The following SNX25 variants were observed in gnomAD, a reference collection of about 807,000 sequenced individuals.
SNX25 encodes the protein sorting nexin 25, also known as sorting nexin-25.
Under a neutral mutation model 113.7 loss-of-function variants are expected in SNX25, and 62 were observed. The observed-to-expected ratio is 0.55, with a 90% CI of 0.44 to 0.67. The LOEUF (loss-of-function observed/expected upper bound fraction) is 0.67, where lower values mean the gene tolerates loss of function less well. Among genes scored for constraint, SNX25 ranks in the 30% least tolerant of loss-of-function variants. The probability of loss-of-function intolerance (pLI) is 0.00; values close to 1 mark genes in which losing one functional copy is unlikely to be tolerated. For missense variants in SNX25, 1,014 were observed against 1,161.0 expected, an observed-to-expected ratio of 0.87 and a Z score of 1.84; for synonymous variants, 421 against 436.2, an observed-to-expected ratio of 0.97 and a Z score of 0.43.
At chr4:185,222,543 C>T (rs994925701) in intron 1 of SNX25, among the ~76,000 whole-genome samples, 4 of 152,194 alleles carry the variant, frequency 2.6e-5, no homozygotes, top group African/African-American at 9.7e-5. Flanking sequence ...CGCCCTATAT[C>T]CCCTTCGTGG....
chr4:185,306,904 A>G (rs780456490), intron 6 of SNX25, among the ~76,000 whole-genome samples: 13 of 152,156 alleles, frequency 8.5e-5, no homozygotes, highest in Non-Finnish European at 1.9e-4. Flanking sequence ...TCCTGTTGAG[A>G]TAAATGCTAA....
At chr4:185,269,452 T>C (rs1324338810) in intron 5 of SNX25, among the ~76,000 whole-genome samples, 1 of 152,234 alleles carries the variant, frequency 6.6e-6, no homozygotes, top group South Asian at 2.1e-4. Context: ...AGATAACTCA[T>C]GTTGATAATT....
In SNX25 at chr4:185,362,708, A is replaced by T. The variant is rs1161320472; in HGVS notation, c.2931A>T (p.Leu977Phe). 3 of 1,612,096 alleles carry T rather than the reference A, an allele frequency of 1.9e-6. No homozygotes were observed. The highest frequency in any genetic ancestry group is 2.5e-6 in the Non-Finnish European group (3 of 1,178,852). ...LQETRANKHL[L>F]YALMELLLIE... ...AAACAAGAGCCAACAAGCATCTGTT[A>T]TATGTGAGTAAATTAAAGCCCAGGG... Residue 977 changes from leucine (L) to phenylalanine (F), a missense_variant, in exon 18 of 19, where the codon TTA becomes TTT. Transcript: ENST00000652585.
intron 3 of SNX25, among the ~76,000 whole-genome samples, chr4:185,261,150 G>C (rs939539247): frequency 6.8e-6 from 1 of 147,218 alleles, no homozygotes. Flanking sequence ...GTGTGTGTGT[G>C]TGTGTGTATG....
chr4:185,331,097 A>C (rs2095191518), intron 9 of SNX25, among the ~76,000 whole-genome samples: 1 of 152,224 alleles, frequency 6.6e-6, no homozygotes, highest in Admixed American at 6.5e-5. Context: ...AAGAGGGCTG[A>C]TACATAACTG....
At position 185,350,992 on chromosome 4, in the gene SNX25, T is replaced by C. The variant is rs1006888632; in HGVS notation, c.2302-453T>C. Reference sequence around the variant, plus strand: ...CCATGTGAAAACTCAAAGTTCTTTTTTTCAGCTGATGTACAAAGTCTGAAT... The same window carrying C: ...CCATGTGAAAACTCAAAGTTCTTTTCTTCAGCTGATGTACAAAGTCTGAAT... On this transcript the variant is annotated intron_variant, in intron 13 of 18. Transcript: ENST00000652585. 2.0e-4 allele frequency among the ~76,000 whole-genome samples: 30 copies of C among 152,250 alleles called. 1 individual carries two copies. Among genetic ancestry groups the C allele is most frequent in the Non-Finnish European group, 4.4e-5 (3 of 68,042 alleles).
At chr4:185,346,478 C>T in intron 12 of SNX25, 59 bp from the exon 13 acceptor site, 1 of 1,153,150 alleles carries the variant, frequency 8.7e-7, no homozygotes, top group South Asian at 1.4e-5. Context: ...TATTCTAAAT[C>T]TTTTTTAAGA....
rs1430828873 is a variant in SNX25 at position 185,234,415 on chromosome 4, G to A, written c.430-12879G>A. 2.1e-4 allele frequency among the ~76,000 whole-genome samples: 4 copies of A among 19,096 alleles called. 2 individuals carry two copies. The highest frequency in any genetic ancestry group is 5.5e-4 in the African/African-American group (4 of 7,226). The allele number at this position is 19,096 out of a possible 152,430, so 12.5% of individuals were successfully genotyped here. On this transcript the variant is annotated intron_variant, in intron 1 of 18. Coordinates refer to ENST00000652585, the MANE Select transcript of SNX25 (RefSeq NM_001378034.2). ...AAGTTTAGGCTGGCCGGGCGCGGTG[G>A]CTCACGCCTGTAATCCCAGCACTTT...
chr4:185,351,681 G>T, intron 14 of SNX25, 72 bp downstream of exon 14: 9 of 1,494,410 alleles, frequency 6.0e-6, no homozygotes, highest in Non-Finnish European at 8.2e-6. Flanking sequence ...TCCTCATGGG[G>T]GGAAGCAAAT....
intron 14 of SNX25, among the ~76,000 whole-genome samples, chr4:185,352,102 G>C (rs2095318325): frequency 6.6e-6 from 1 of 152,158 alleles, no homozygotes; most frequent in South Asian, 2.1e-4. Flanking sequence ...AAGAAGCATG[G>C]GATATTCTGA....
chr4:185,360,295 T>G (rs1163161590), intron 16 of SNX25, among the ~76,000 whole-genome samples: 1 of 151,986 alleles, frequency 6.6e-6, no homozygotes, highest in Non-Finnish European at 1.5e-5. Flanking sequence ...AAGAGAAGAG[T>G]CTAGGAGATA....
intron 7 of SNX25, among the ~76,000 whole-genome samples, chr4:185,316,494 G>A (rs530859855): frequency 6.6e-6 from 1 of 152,264 alleles, no homozygotes; most frequent in East Asian, 1.9e-4. Context: ...CAAAAAGTCT[G>A]TGTTGCCTTA....
At chr4:185,212,480 TGTGTGTG>T (rs1738007590) in intron 1 of SNX25, among the ~76,000 whole-genome samples, 2 of 79,916 alleles carry the variant, frequency 2.5e-5, no homozygotes, top group African/African-American at 8.6e-5. Flanking sequence ...TGTGTGTGTG[TGTGTGTG>T]TGTGTTTTTT....
At chr4:185,242,261 A>G (rs1302537582) in intron 1 of SNX25, among the ~76,000 whole-genome samples, 1 of 152,154 alleles carries the variant, frequency 6.6e-6, no homozygotes, top group African/African-American at 2.4e-5. Flanking sequence ...TTCCCCACAC[A>G]CCAAGCAAGC....
intron 2 of SNX25, among the ~76,000 whole-genome samples, chr4:185,250,033 T>C (rs58000512): frequency 0.011 from 1,667 of 152,316 alleles, 26 homozygotes; most frequent in African/African-American, 0.037. Context: ...TACTGGACAA[T>C]GTGGATGCTG....
intron 5 of SNX25, among the ~76,000 whole-genome samples, chr4:185,269,159 T>C (rs961869432): frequency 1.3e-5 from 2 of 152,186 alleles, no homozygotes; most frequent in Non-Finnish European, 2.9e-5. Flanking sequence ...AAGTCATCCT[T>C]ATCATAGTGT....
chr4:185,237,253 A>C (rs1008988402), intron 1 of SNX25, among the ~76,000 whole-genome samples: 1 of 152,186 alleles, frequency 6.6e-6, no homozygotes, highest in East Asian at 1.9e-4. Context: ...TTGATAAGGA[A>C]AGTAAGATAT....
At chr4:185,319,959 T>C (rs918850879) in intron 7 of SNX25, among the ~76,000 whole-genome samples, 25 of 152,136 alleles carry the variant, frequency 1.6e-4, no homozygotes, top group Non-Finnish European at 2.9e-4. Flanking sequence ...TGGCAATTAT[T>C]AAAAAGTCAA....
At chr4:185,327,205 T>C (rs142661406) in intron 9 of SNX25, among the ~76,000 whole-genome samples, 3,435 of 152,322 alleles carry the variant, frequency 0.023, 112 homozygotes, top group African/African-American at 0.079. Flanking sequence ...ATTTTAATTA[T>C]GTACTAGGTG....
Sources: allele counts gnomAD v4.1 joint callset (sites outside exome capture counted in the v4.1 genomes callset), GRCh38; gene constraint gnomAD v4.1.1; transcripts MANE v1.5; gene names NCBI Gene and HGNC (gene_info 2026-07-23, HGNC 2026-07-21).